Variants in PRKCE observed in about 807,000 individuals in gnomAD.
The protein encoded by PRKCE is protein kinase C epsilon.
In PRKCE, 16 loss-of-function variants were observed where a neutral mutation model predicts 85.4. The ratio of observed to expected loss-of-function variants is 0.19; its 90% CI spans 0.13 to 0.28. The LOEUF (loss-of-function observed/expected upper bound fraction) is 0.28. Ranked by LOEUF, PRKCE falls within the 10% of genes least tolerant of loss-of-function variation. PRKCE has a pLI of 1.00. For synonymous variants in PRKCE, 388 were observed against 371.5 expected (o/e 1.04, Z -0.51); for missense variants, 573 against 975.2 (o/e 0.59, Z 5.49).
chr2:46,156,345 CAG>C (rs752781718), intron 13 of PRKCE, among the ~76,000 whole-genome samples: 4 of 152,174 alleles, frequency 2.6e-5, no homozygotes, highest in Non-Finnish European at 5.9e-5. Flanking sequence ...ATCACACTGT[CAG>C]AGCCTGCTGT....
chr2:45,677,977 C>A, intron 1 of PRKCE: 1 of 805,058 alleles, frequency 1.2e-6, no homozygotes, highest in Non-Finnish European at 1.5e-6. Flanking sequence ...TAAATATCAA[C>A]TTGATTTTAC....
At chr2:45,975,289 A>G (rs886633052) in intron 2 of PRKCE, among the ~76,000 whole-genome samples, 1 of 152,240 alleles carries the variant, frequency 6.6e-6, no homozygotes, top group Admixed American at 6.5e-5. Context: ...AACATTTATC[A>G]TGGTCATCCT....
intron 11 of PRKCE, among the ~76,000 whole-genome samples, chr2:46,113,692 A>G (rs1672480309): frequency 6.6e-6 from 1 of 152,218 alleles, no homozygotes; most frequent in African/African-American, 2.4e-5. Flanking sequence ...GATGTGCTAC[A>G]TGCTCACCTG....
rs74627853 is a variant in PRKCE, at chr2:45,688,213, T to C, written c.348+35765T>C. Among the ~76,000 whole-genome samples the C allele has an allele frequency of 7.9e-3, 1,204 of 152,276 alleles. 21 individuals carry two copies. The highest frequency in any genetic ancestry group is 0.028 in the African/African-American group (1,150 of 41,542). ...ATTGCTAAGAGAGGTCCCTGAGCAG[T>C]TGGAGGCCAGAAGGAAATATTTTCA... is the stretch of plus-strand genomic sequence containing the variant. On this transcript the variant is annotated intron_variant, in intron 1 of 14. Transcript: ENST00000306156.
chr2:46,085,564 G>GGA lies in PRKCE; in HGVS notation c.1438-644_1438-643insGA, dbSNP rs1164522342. Among the ~76,000 whole-genome samples, 3 of 147,232 alleles carry GGA rather than the reference G, an allele frequency of 2.0e-5. 1 individual carries two copies. Among genetic ancestry groups the GGA allele is most frequent in the African/African-American group, 7.5e-5 (3 of 39,738 alleles). On this transcript the variant is annotated intron_variant, in intron 10 of 14. Transcript: ENST00000306156. Reference sequence around the variant, plus strand: ...TGTCTGCATCCTTTGGCTTGTGACTGTTTCACTCCAATCTCTGCCTCTGTG... The same window carrying GGA: ...TGTCTGCATCCTTTGGCTTGTGACTGGATTTCACTCCAATCTCTGCCTCTGTG...
rs139099581 is a variant in PRKCE, at chr2:46,062,160, C to T, written c.1438-24048C>T. On this transcript the variant is annotated intron_variant, in intron 10 of 14. Transcript: ENST00000306156. ...TACAGGCGTGAGCCACCACACCCAG[C>T]CTCATGCATACATTAAGTATTTCTT... 3.2e-3 allele frequency among the ~76,000 whole-genome samples: 494 copies of T among 152,258 alleles called. 1 individual carries two copies. The highest frequency in any genetic ancestry group is 5.5e-3 in the Non-Finnish European group (375 of 68,026).
intron 1 of PRKCE, among the ~76,000 whole-genome samples, chr2:45,793,270 C>T (rs1687172067): frequency 6.6e-6 from 1 of 152,212 alleles, no homozygotes; most frequent in Non-Finnish European, 1.5e-5. Context: ...AGCTCCCAAT[C>T]CCCCAATTTC....
Position 45,952,480 on chromosome 2 carries a change from G to A in PRKCE, c.413-23949G>A, listed in dbSNP as rs116509300. Among the ~76,000 whole-genome samples, 569 of 152,170 alleles carry A rather than the reference G, an allele frequency of 3.7e-3. 3 individuals are homozygous for A. The Middle Eastern group carries it at 0.037, about 10-fold the overall frequency. On this transcript the variant is annotated intron_variant, in intron 2 of 14. Transcript: ENST00000306156. Reference sequence around the variant, plus strand: ...CATTCTAAAGGAACATGGACTACACGCAGAATTTATTATAAAATACTTCAG... The same window carrying A: ...CATTCTAAAGGAACATGGACTACACACAGAATTTATTATAAAATACTTCAG...
chr2:46,167,971 C>G (rs994797737), intron 14 of PRKCE: 1 of 152,176 alleles, frequency 6.6e-6, no homozygotes, highest in Non-Finnish European at 1.5e-5. Context: ...ATCTTTGACT[C>G]TGGACAAGTG....
At position 46,150,954 on chromosome 2, in the gene PRKCE, G is replaced by C. The variant is rs1676564637; in HGVS notation, c.1732-87G>C. 6 of 1,253,996 alleles carry C rather than the reference G, an allele frequency of 4.8e-6. No individual in the cohort carries two copies. The East Asian group carries it at 1.5e-4, about 32-fold the overall frequency. The allele number at this position is 1,253,996 out of a possible 1,614,324, so 77.7% of individuals were successfully genotyped here. A position where few individuals can be genotyped will look rare whatever the true frequency, so the allele number is the denominator to read the frequency against. On this transcript the variant is annotated intron_variant, in intron 12 of 14. Coordinates refer to ENST00000306156, the MANE Select transcript of PRKCE (RefSeq NM_005400.3). ...CTGTAGGGAGGAGCAAGTTGGAATT[G>C]AAGTCCTTCCCATGGGCGTTCGTAG...
chr2:46,095,124 G>A (rs2103997812), intron 11 of PRKCE, among the ~76,000 whole-genome samples: 1 of 152,066 alleles, frequency 6.6e-6, no homozygotes, highest in African/African-American at 2.4e-5. Context: ...TCTCTTTCTG[G>A]AACTATCATT....
intron 2 of PRKCE, among the ~76,000 whole-genome samples, chr2:45,894,246 C>T (rs1034320602): frequency 2.6e-5 from 4 of 151,378 alleles, no homozygotes; most frequent in African/African-American, 4.9e-5. Flanking sequence ...TCACTGGGGG[C>T]GGGTTGGGGA....
At chr2:45,681,738 A>C (rs575653032) in intron 1 of PRKCE, among the ~76,000 whole-genome samples, 3 of 152,304 alleles carry the variant, frequency 2.0e-5, no homozygotes, top group African/African-American at 7.2e-5. Flanking sequence ...ACAAATAGAC[A>C]ATGCCTGTGG....
At chr2:45,744,418 TTTCTTTCTTTCTTTC>T (rs1558623016) in intron 1 of PRKCE, among the ~76,000 whole-genome samples, 7 of 10,210 alleles carry the variant, frequency 6.9e-4, no homozygotes, top group Non-Finnish European at 6.9e-4. Context: ...TTTTCTTTTC[TTTCTTTCTTTCTTTC>T]TTTCTTTCTT....
At chr2:46,005,050 C>T (rs1391697659) in intron 8 of PRKCE, among the ~76,000 whole-genome samples, 4 of 152,168 alleles carry the variant, frequency 2.6e-5, no homozygotes, top group African/African-American at 9.7e-5. Flanking sequence ...CATCATCATA[C>T]CCAAAACCTG....
chr2:46,026,063 G>A (rs1415929375), intron 10 of PRKCE, among the ~76,000 whole-genome samples: 2 of 152,196 alleles, frequency 1.3e-5, no homozygotes, highest in Non-Finnish European at 2.9e-5. Context: ...AGGAAGGAGG[G>A]ATTCTGTTTA....
intron 5 of PRKCE, among the ~76,000 whole-genome samples, chr2:45,982,505 C>T (rs148570869): frequency 6.6e-6 from 1 of 152,200 alleles, no homozygotes; most frequent in Non-Finnish European, 1.5e-5. Context: ...CCTGCACTTC[C>T]AGGTGTGGTA....
intron 1 of PRKCE, among the ~76,000 whole-genome samples, chr2:45,816,623 A>G (rs1189871816): frequency 1.3e-5 from 2 of 152,258 alleles, no homozygotes; most frequent in South Asian, 2.1e-4. Flanking sequence ...TTTTATGATC[A>G]TTATGCCAGG....
At chr2:45,804,276 G>A (rs1022605219) in intron 1 of PRKCE, among the ~76,000 whole-genome samples, 3 of 152,224 alleles carry the variant, frequency 2.0e-5, no homozygotes, top group African/African-American at 7.2e-5. Flanking sequence ...TTTTGGGAAA[G>A]AAAATGGAAT....
Sources: allele counts gnomAD v4.1 joint callset (sites outside exome capture counted in the v4.1 genomes callset), GRCh38; gene constraint gnomAD v4.1.1; transcripts MANE v1.5; gene names NCBI Gene and HGNC (gene_info 2026-07-23, HGNC 2026-07-21).